The following BBX variants were observed in gnomAD, a reference collection of about 807,000 sequenced individuals.
BBX encodes HMG box transcription factor BBX.
Under a neutral mutation model 100.2 loss-of-function variants are expected in BBX, and 30 were observed. The observed-to-expected ratio is 0.30, with a 90% CI of 0.22 to 0.41. The LOEUF is 0.41. Ranked by LOEUF, BBX falls within the 10% of genes least tolerant of loss-of-function variation. The pLI is 1.00. For missense variants in BBX, 1,023 were observed against 1,129.8 expected (o/e 0.91, Z 1.35); for synonymous variants, 376 against 388.1 (o/e 0.97, Z 0.37).
intron 2 of BBX, among the ~76,000 whole-genome samples, chr3:107,539,756 A>T (rs1029530460): frequency 3.3e-5 from 5 of 152,162 alleles, no homozygotes; most frequent in African/African-American, 1.2e-4. Context: ...ATAAATAAAA[A>T]TTTAATATTT....
At chr3:107,560,038 T>C (rs1024578254) in intron 2 of BBX, among the ~76,000 whole-genome samples, 1 of 152,164 alleles carries the variant, frequency 6.6e-6, no homozygotes, top group African/African-American at 2.4e-5. Context: ...GTTACCACAC[T>C]GGGCCAGGAT....
intron 9 of BBX, among the ~76,000 whole-genome samples, chr3:107,750,154 C>T (rs529380720): frequency 2.6e-5 from 4 of 152,242 alleles, no homozygotes; most frequent in South Asian, 4.1e-4. Flanking sequence ...AAGTTTTCTT[C>T]TAGAGAAGAA....
chr3:107,619,905 T>C (rs2055611005), intron 2 of BBX, among the ~76,000 whole-genome samples: 1 of 152,160 alleles, frequency 6.6e-6, no homozygotes, highest in Non-Finnish European at 1.5e-5. Context: ...AGTTTGACTA[T>C]GTTGTGTCTT....
At chr3:107,653,645 A>T (rs1176583007) in intron 3 of BBX, among the ~76,000 whole-genome samples, 1 of 152,182 alleles carries the variant, frequency 6.6e-6, no homozygotes, top group Admixed American at 6.5e-5. Context: ...CGGATGAGTT[A>T]TCTAATTGTT....
chr3:107,526,081 C>G (rs1332402312), intron 1 of BBX, among the ~76,000 whole-genome samples: 1 of 152,084 alleles, frequency 6.6e-6, no homozygotes, highest in Non-Finnish European at 1.5e-5. Flanking sequence ...AGCGAGGGTA[C>G]GGGAGATACC....
chr3:107,604,510 T>C (rs2054288735), intron 2 of BBX, among the ~76,000 whole-genome samples: 1 of 152,184 alleles, frequency 6.6e-6, no homozygotes, highest in Admixed American at 6.5e-5. Flanking sequence ...CCTATCATTC[T>C]AGATGTCTGG....
intron 3 of BBX, among the ~76,000 whole-genome samples, chr3:107,649,663 A>G (rs916845813): frequency 3.9e-5 from 6 of 152,228 alleles, no homozygotes; most frequent in Non-Finnish European, 5.9e-5. Flanking sequence ...TTTTAAACAC[A>G]TATGTCCACA....
chr3:107,707,003 T>G (rs1478612196), intron 3 of BBX, among the ~76,000 whole-genome samples: 2 of 152,198 alleles, frequency 1.3e-5, no homozygotes. Flanking sequence ...CCATAAGGAA[T>G]TAAGAAAGAA....
intron 2 of BBX, among the ~76,000 whole-genome samples, chr3:107,537,946 C>A (rs1323588695): frequency 6.6e-6 from 1 of 152,152 alleles, no homozygotes; most frequent in Admixed American, 6.5e-5. Context: ...TCAGTAATAA[C>A]CCCAATGTTT....
rs2066294847 is a variant in BBX at position 107,765,307 on chromosome 3, A to T, written c.907-7321A>T. 1.3e-5 allele frequency among the ~76,000 whole-genome samples: 2 copies of T among 152,188 alleles called. 1 individual carries two copies. Among genetic ancestry groups the T allele is most frequent in the East Asian group, 3.8e-4 (2 of 5,198 alleles). ...TTTCCCAAGGCAGTAATTTTAGCAT[A>T]CACATTTTATAGATTGAAAAACTGA... On this transcript the variant is annotated intron_variant, in intron 10 of 17. Coordinates refer to ENST00000325805, the MANE Select transcript of BBX (RefSeq NM_001142568.3).
intron 2 of BBX, among the ~76,000 whole-genome samples, chr3:107,556,997 AT>A (rs1264543430): frequency 6.6e-6 from 1 of 152,236 alleles, no homozygotes; most frequent in Non-Finnish European, 1.5e-5. Context: ...TCCATAAGGT[AT>A]ACCTTCTTTT....
At chr3:107,591,624 A>G (rs1316869446) in intron 2 of BBX, among the ~76,000 whole-genome samples, 3 of 152,284 alleles carry the variant, frequency 2.0e-5, no homozygotes. Context: ...AGTAGCTGGG[A>G]CCACAGGCAT....
intron 16 of BBX, 115 bp downstream of exon 16, chr3:107,798,835 T>TA (rs374593936): frequency 0.11 from 75,874 of 672,130 alleles, 9 homozygotes; most frequent in South Asian, 0.15. Flanking sequence ...GCCAATGAGC[T>TA]AAAAAAAAAA....
intron 10 of BBX, among the ~76,000 whole-genome samples, chr3:107,768,333 A>T (rs757141799): frequency 1.3e-5 from 2 of 152,232 alleles, no homozygotes; most frequent in Admixed American, 6.5e-5. Context: ...AAGACTTTTG[A>T]CAGATGTTAC....
chr3:107,562,444 T>A lies in BBX; in HGVS notation c.-84+36046T>A, dbSNP rs143980420. Among the ~76,000 whole-genome samples, 339 of 152,338 alleles carry A rather than the reference T, an allele frequency of 2.2e-3. 1 individual carries two copies. Among genetic ancestry groups the A allele is most frequent in the African/African-American group, 7.6e-3 (318 of 41,582 alleles). ...AGAATTTATTTAATGTGCTTTTTTT[T>A]AATATATTGGTAATTGTCTATATAA... On this transcript the variant is annotated intron_variant, in intron 2 of 17. Coordinates refer to ENST00000325805, the MANE Select transcript of BBX (RefSeq NM_001142568.3).
chr3:107,737,073 A>G (rs969373537), intron 7 of BBX, among the ~76,000 whole-genome samples: 2 of 152,086 alleles, frequency 1.3e-5, no homozygotes, highest in African/African-American at 4.8e-5. Context: ...CTTCCATCCT[A>G]TGAAATGGAG....
chr3:107,553,863 C>A (rs2049883563), intron 2 of BBX, among the ~76,000 whole-genome samples: 1 of 151,872 alleles, frequency 6.6e-6, no homozygotes, highest in African/African-American at 2.4e-5. Context: ...TCTTTAATTC[C>A]TGAGTACTTA....
At chr3:107,688,461 G>A (rs1267687151) in intron 3 of BBX, among the ~76,000 whole-genome samples, 2 of 152,236 alleles carry the variant, frequency 1.3e-5, no homozygotes, top group East Asian at 1.9e-4. Flanking sequence ...GTCTTTGGCA[G>A]TGTGGATAAA....
At chr3:107,647,430 A>G (rs936362953) in intron 3 of BBX, among the ~76,000 whole-genome samples, 1 of 152,358 alleles carries the variant, frequency 6.6e-6, no homozygotes, top group South Asian at 2.1e-4. Context: ...CTGAATGTTA[A>G]TCAGATTATT....
Sources: gnomAD v4.1 joint callset for allele counts (sites outside exome capture counted in the v4.1 genomes callset) on GRCh38, gnomAD v4.1.1 for gene constraint, MANE v1.5 for transcripts, NCBI Gene and HGNC (gene_info 2026-07-23, HGNC 2026-07-21) for gene names.